The following ST3GAL1 variants were observed in gnomAD, a reference collection of about 807,000 sequenced individuals.
ST3GAL1 encodes ST3 beta-galactoside alpha-2,3-sialyltransferase 1.
ST3GAL1 carries 16 observed loss-of-function variants against 34.1 expected under a neutral mutation model. That is an observed-to-expected ratio of 0.47 (90% confidence interval 0.32 to 0.71). ST3GAL1 has a LOEUF of 0.71. ST3GAL1 is among the 30% of genes least tolerant of loss of function. ST3GAL1 has a pLI of 0.04. For missense variants in ST3GAL1, 353 were observed against 447.4 expected (o/e 0.79, Z 1.90); for synonymous variants, 191 against 184.7 (o/e 1.03, Z -0.28).
At chr8:133,536,600 G>A (rs1172103651) in intron 2 of ST3GAL1, among the ~76,000 whole-genome samples, 2 of 152,170 alleles carry the variant, frequency 1.3e-5, no homozygotes, top group African/African-American at 4.8e-5. Context: ...CTTCCAAGCC[G>A]GCAAGGTGGG....
chr8:133,483,112 T>C (rs1053122713), intron 3 of ST3GAL1, among the ~76,000 whole-genome samples: 3 of 152,076 alleles, frequency 2.0e-5, no homozygotes, highest in African/African-American at 7.2e-5. Flanking sequence ...GAGGCTGGGG[T>C]GGGCGGATCA....
intron 7 of ST3GAL1, among the ~76,000 whole-genome samples, chr8:133,464,290 C>T (rs1815641746): frequency 6.6e-6 from 1 of 152,178 alleles, no homozygotes; most frequent in South Asian, 2.1e-4. Context: ...GGAAACTAAG[C>T]TCCTGATTGT....
At chr8:133,569,027 G>A (rs909105587) in intron 1 of ST3GAL1, among the ~76,000 whole-genome samples, 3 of 152,200 alleles carry the variant, frequency 2.0e-5, no homozygotes, top group African/African-American at 7.2e-5. Context: ...GCCTGCTGCT[G>A]CAGAGCTTCG....
chr8:133,475,517 A>G (rs1816134478), intron 5 of ST3GAL1, among the ~76,000 whole-genome samples: 1 of 152,208 alleles, frequency 6.6e-6, no homozygotes, highest in African/African-American at 2.4e-5. Context: ...ACTGCCTGGC[A>G]GGGCCCCAGG....
intron 1 of ST3GAL1, among the ~76,000 whole-genome samples, chr8:133,560,954 T>C (rs996311126): frequency 3.9e-5 from 6 of 152,040 alleles, no homozygotes; most frequent in Non-Finnish European, 7.4e-5. Context: ...TGAGAAATTC[T>C]AATGAGGGGA....
intron 1 of ST3GAL1, among the ~76,000 whole-genome samples, chr8:133,548,445 T>G (rs1818732491): frequency 6.6e-6 from 1 of 152,188 alleles, no homozygotes; most frequent in South Asian, 2.1e-4. Context: ...TTCCCTGCAT[T>G]CCTACAAAGC....
At chr8:133,559,035 TTGTG>T (rs34571050) in intron 1 of ST3GAL1, among the ~76,000 whole-genome samples, 76 of 149,248 alleles carry the variant, frequency 5.1e-4, no homozygotes, top group Middle Eastern at 3.4e-3. Flanking sequence ...GAGTGTGGTT[TTGTG>T]TGTGTGTGTG....
At chr8:133,475,698 C>T (rs377674963) in intron 5 of ST3GAL1, 21 bp downstream of exon 5, 21 of 1,558,406 alleles carry the variant, frequency 1.3e-5, no homozygotes, top group Middle Eastern at 1.8e-4. Context: ...GCCCAGACCC[C>T]GCTCTCAGGC....
chr8:133,562,341 C>T (rs1215498586), intron 1 of ST3GAL1, among the ~76,000 whole-genome samples: 2 of 151,956 alleles, frequency 1.3e-5, no homozygotes, highest in Non-Finnish European at 2.9e-5. Context: ...TCCCGAGTAG[C>T]TGGGACTACA....
intron 2 of ST3GAL1, among the ~76,000 whole-genome samples, chr8:133,534,805 A>C (rs1818262176): frequency 6.6e-6 from 1 of 152,204 alleles, no homozygotes; most frequent in South Asian, 2.1e-4. Context: ...TGTGCGGCTG[A>C]CACAAATGGA....
rs1241716731 is a variant in ST3GAL1 at position 133,456,929 on chromosome 8, T to C, written c.*2835A>G. On this transcript the variant is annotated 3_prime_UTR_variant, in exon 10 of 10. Coordinates refer to ENST00000522652, the MANE Select transcript of ST3GAL1 (RefSeq NM_173344.3). ...TTTGCTCAAACTCTGACTTGTGCTA[T>C]CTGTCCCAGACAGTTCACGACTGCC... 6.6e-6 allele frequency: 1 copy of C among 152,286 alleles called. No homozygotes were observed. Among genetic ancestry groups the C allele is most frequent in the East Asian group, 1.9e-4 (1 of 5,202 alleles). 9.4% of individuals were successfully genotyped at this position (152,286 alleles called of 1,614,324 possible).
intron 2 of ST3GAL1, among the ~76,000 whole-genome samples, chr8:133,528,205 G>C (rs1212328378): frequency 1.3e-5 from 2 of 151,918 alleles, no homozygotes; most frequent in Admixed American, 6.6e-5. Context: ...ACCCAGAAAT[G>C]ATGCACTTGG....
chr8:133,537,267 G>T (rs1478294691), intron 2 of ST3GAL1, among the ~76,000 whole-genome samples: 1 of 151,658 alleles, frequency 6.6e-6, no homozygotes, highest in Non-Finnish European at 1.5e-5. Context: ...AACCTCCAGT[G>T]CTCAGCTATC....
chr8:133,566,282 G>A (rs944592594), intron 1 of ST3GAL1, among the ~76,000 whole-genome samples: 6 of 152,146 alleles, frequency 3.9e-5, no homozygotes, highest in Non-Finnish European at 4.4e-5. Flanking sequence ...GCTTCCAGGC[G>A]GATCATTCAC....
chr8:133,500,178 A>G (rs1402340740), intron 2 of ST3GAL1, among the ~76,000 whole-genome samples: 1 of 152,144 alleles, frequency 6.6e-6, no homozygotes, highest in Non-Finnish European at 1.5e-5. Flanking sequence ...CCTGTAATGC[A>G]CTTTTCCACC....
intron 5 of ST3GAL1, among the ~76,000 whole-genome samples, chr8:133,474,222 T>C (rs187372300): frequency 6.6e-6 from 1 of 152,228 alleles, no homozygotes; most frequent in East Asian, 1.9e-4. Flanking sequence ...AACCCCAGGC[T>C]CCAAGGGGAG....
chr8:133,527,679 A>T (rs1167129589), intron 2 of ST3GAL1, among the ~76,000 whole-genome samples: 8 of 152,240 alleles, frequency 5.3e-5, no homozygotes. Context: ...GCACGGGAGA[A>T]CTATATGCCA....
intron 3 of ST3GAL1, among the ~76,000 whole-genome samples, chr8:133,480,985 A>C (rs1816359989): frequency 6.6e-6 from 1 of 151,984 alleles, no homozygotes; most frequent in African/African-American, 2.4e-5. Context: ...GAATTTCTCC[A>C]CCTTGTCATC....
At chr8:133,534,480 T>A (rs1180155319) in intron 2 of ST3GAL1, among the ~76,000 whole-genome samples, 1 of 152,122 alleles carries the variant, frequency 6.6e-6, no homozygotes, top group Admixed American at 6.6e-5. Flanking sequence ...GCCATCCGTA[T>A]CAGAAAGGGC....
Sources: allele counts gnomAD v4.1 joint callset (sites outside exome capture counted in the v4.1 genomes callset), GRCh38; gene constraint gnomAD v4.1.1; transcripts MANE v1.5; gene names NCBI Gene and HGNC (gene_info 2026-07-23, HGNC 2026-07-21).